Variants in MATN4 observed in about 807,000 individuals in gnomAD.
The protein encoded by MATN4 is matrilin 4, also known as matrilin-4.
A neutral mutation model predicts 54.6 loss-of-function variants in MATN4; 40 were observed. The observed-to-expected ratio is 0.73, with a 90% CI of 0.57 to 0.95. The LOEUF is 0.95. Ranked by LOEUF, MATN4 falls within the 40% of genes least tolerant of loss-of-function variation. The pLI is 0.00. For missense variants in MATN4, 810 were observed against 819.1 expected (o/e 0.99, Z 0.13); for synonymous variants, 351 against 345.3 (o/e 1.02, Z -0.18).
chr20:45,305,540 G>T lies in MATN4; in HGVS notation c.43C>A (p.Gln15Lys). The T allele has an allele frequency of 6.4e-7, 1 of 1,558,494 alleles. No homozygotes were observed. The highest frequency in any genetic ancestry group is 2.4e-5 in the East Asian group (1 of 41,442). The stretch of plus-strand genomic sequence containing the variant: ...AACTGGAGCTGGGTTTCCCAGGGCT[G>T]AAGAAGGAGCAGCAACACGGGCCAG... ...LCWPVLLLLL[Q>K]PWETQLQLTG... The change falls in exon 2 of 10, where the codon CAG becomes AAG. Residue 15 changes from glutamine to lysine, a missense_variant. Coordinates refer to ENST00000372756, the MANE Select transcript of MATN4 (RefSeq NM_001393530.1).
chr20:45,301,750 G>A lies in MATN4; in HGVS notation c.644-307C>T, dbSNP rs114804476. On this transcript the variant is annotated intron_variant, in intron 3 of 9. Transcript: ENST00000372756. ...CTATTGCCCTGTTGAGCATCTTGAT[G>A]ATCTGGATAGGCAAAGATGGCCGAG... Among the ~76,000 whole-genome samples, 266 of 152,134 alleles carry A rather than the reference G, an allele frequency of 1.7e-3. 1 individual carries two copies. Among genetic ancestry groups the A allele is most frequent in the African/African-American group, 6.1e-3 (252 of 41,494 alleles).
At chr20:45,308,038 C>T in intron 1 of MATN4, 137 bp downstream of exon 1, 1 of 717,582 alleles carries the variant, frequency 1.4e-6, no homozygotes, top group African/African-American at 1.8e-5. Context: ...TGGAAAGGAC[C>T]CTGCAGAAGT....
intron 6 of MATN4, among the ~76,000 whole-genome samples, chr20:45,300,278 G>A (rs902643697): frequency 6.6e-6 from 1 of 152,124 alleles, no homozygotes; most frequent in East Asian, 1.9e-4. Flanking sequence ...TGACACATCC[G>A]GGGAGGGGCA....
chr20:45,298,580 C>T lies in MATN4; in HGVS notation c.1016G>A (p.Cys339Tyr). The T allele has an allele frequency of 1.3e-6, 2 of 1,539,716 alleles. No homozygotes were observed. Among genetic ancestry groups the T allele is most frequent in the Non-Finnish European group, 1.8e-6 (2 of 1,139,768 alleles). The change falls in exon 7 of 10, where the codon TGC (cysteine) becomes TAC (tyrosine). Residue 339 changes from cysteine to tyrosine, a missense_variant. Coordinates refer to ENST00000372756, the MANE Select transcript of MATN4 (RefSeq NM_001393530.1). This position sits in a 1 kb window ranked among gnomAD's most constrained non-coding sequence, Gnocchi z 4.6. ...LQADGKSCNR[C>Y]REGHVDLVLL... is the part of the protein sequence containing the mutation. Reference sequence around the variant, plus strand: ...AACAAGGTCCACGTGGCCTTCCCGGCACCCTGCACAGCCAGAAAAGCTTGA... The same window carrying T: ...AACAAGGTCCACGTGGCCTTCCCGGTACCCTGCACAGCCAGAAAAGCTTGA...
chr20:45,304,241 C>G lies in MATN4; in HGVS notation c.630G>C (p.Gln210His). 1 of 1,525,472 alleles carries G rather than the reference C, an allele frequency of 6.6e-7. No individual in the cohort carries two copies. Among genetic ancestry groups the G allele is most frequent in the Non-Finnish European group, 8.8e-7 (1 of 1,140,688 alleles). 94.5% of individuals were successfully genotyped at this position (1,525,472 alleles called of 1,614,324 possible). The change falls in exon 3 of 10, where the codon CAG becomes CAC. Residue 210 changes from glutamine (Q) to histidine (H), a missense_variant. Coordinates refer to ENST00000372756, the MANE Select transcript of MATN4 (RefSeq NM_001393530.1). ...DLIQEFGLQF[Q>H]SRLCAIDLCA... ...CTCCTAACTCACCACACAGCCGGCT[C>G]TGGAACTGCAGGCCGAACTCCTGGA...
intron 5 of MATN4, 30 bp downstream of exon 5, chr20:45,301,072 C>T (rs780306470): frequency 5.0e-6 from 8 of 1,614,080 alleles, no homozygotes; most frequent in Admixed American, 3.3e-5. Flanking sequence ...TCTCTTACCC[C>T]TCCCACAAAT....
intron 8 of MATN4, 81 bp from the exon 9 acceptor site, chr20:45,294,096 G>A: frequency 3.6e-6 from 4 of 1,098,666 alleles, no homozygotes; most frequent in Non-Finnish European, 5.3e-6. Context: ...CTGGGCCTAT[G>A]GTTGAGTATA....
intron 1 of MATN4, chr20:45,306,787 G>T (rs1986721959): frequency 7.7e-6 from 5 of 648,074 alleles, no homozygotes; most frequent in Non-Finnish European, 1.1e-5. Flanking sequence ...GGGGCCCGGG[G>T]CCTTGGAGAT....
Position 45,301,346 on chromosome 20 carries a change from G to T in MATN4, c.741C>A (p.Leu247=), listed in dbSNP as rs139208829. 5.1e-5 allele frequency: 82 copies of T among 1,614,180 alleles called. No homozygotes were observed. In the Middle Eastern group the frequency reaches 9.9e-4, roughly 20 times the overall value. Residue 247 remains leucine, a synonymous_variant, in exon 4 of 10, where the codon CTC becomes CTA. Coordinates refer to ENST00000372756, the MANE Select transcript of MATN4 (RefSeq NM_001393530.1). ...YFCHCQVGFV[L]QQDQRSCRAI... is the part of the protein sequence containing the mutation. ...CCCTGCAGCTCCTCTGGTCCTGCTG[G>T]AGTACAAAGCCAACTTGGCAGTGAC...
chr20:45,297,950 A>G lies in MATN4; in HGVS notation c.1547T>C (p.Leu516Pro), dbSNP rs942180073. The G allele has an allele frequency of 6.2e-7, 1 of 1,614,218 alleles. No homozygotes were observed. The highest frequency in any genetic ancestry group is 8.5e-7 in the Non-Finnish European group (1 of 1,180,032). Residue 516 changes from leucine to proline, a missense_variant, in exon 8 of 10, where the codon CTG becomes CCG. Physicochemically the swap from Leu to Pro is moderately conservative, Grantham distance 98. Coordinates refer to ENST00000372756, the MANE Select transcript of MATN4 (RefSeq NM_001393530.1). Reference sequence around the variant, plus strand: ...GATGCTGCCTCTGAGGTTCTCCAGCAGGTGCGTCATGGTGCCGAAGTCCGG... The same window carrying G: ...GATGCTGCCTCTGAGGTTCTCCAGCGGGTGCGTCATGGTGCCGAAGTCCGG... ...YAPDFGTMTH[L>P]LENLRGSICP...
chr20:45,295,484 T>C (rs1338585312), intron 8 of MATN4, among the ~76,000 whole-genome samples: 2 of 152,164 alleles, frequency 1.3e-5, no homozygotes, highest in African/African-American at 4.8e-5. Context: ...GCCTCCTGGG[T>C]TCAAGTGATT....
In MATN4 at chr20:45,304,726, C is replaced by T. The variant is rs141367880; in HGVS notation, c.145G>A (p.Glu49Lys). 1.9e-6 allele frequency: 3 copies of T among 1,610,944 alleles called. No homozygotes were observed. The highest frequency in any genetic ancestry group is 2.7e-5 in the African/African-American group (2 of 74,890). Residue 49 changes from glutamate (E) to lysine (K), a missense_variant, in exon 3 of 10, where the codon GAG becomes AAG. Glu to Lys is a moderately conservative substitution (Grantham distance 56, BLOSUM62 1). Coordinates refer to ENST00000372756, the MANE Select transcript of MATN4 (RefSeq NM_001393530.1). The stretch of plus-strand genomic sequence containing the variant: ...AGGAACTGCCGCATGGTCTCGAACT[C>T]GAAAGGGCGCACGCTGCGGGAGCTG... ...IDSSRSVRPF[E>K]FETMRQFLMG...
At position 45,304,792 on chromosome 20, in the gene MATN4, T is replaced by A; in HGVS notation, c.79A>T (p.Arg27Trp). The A allele has an allele frequency of 6.3e-7, 1 of 1,575,658 alleles. No homozygotes were observed. The highest frequency in any genetic ancestry group is 8.7e-7 in the Non-Finnish European group (1 of 1,154,220). The change falls in exon 3 of 10, where the codon AGG (arginine) becomes TGG (tryptophan). Residue 27 changes from arginine to tryptophan, a missense_variant. By Grantham distance (101) the Arg-to-Trp change is moderately radical. Coordinates refer to ENST00000372756, the MANE Select transcript of MATN4 (RefSeq NM_001393530.1). ...WETQLQLTGP[R>W]CHTGPLDLVF... ...AGATCCAGGGGCCCAGTGTGACACC[T>A]GGGACCTGCGGGGAGATCAGGGAGG...
upstream of MATN4, chr20:45,308,441 C>T (rs1365470570): frequency 3.4e-6 from 2 of 581,904 alleles, no homozygotes; most frequent in East Asian, 5.6e-5. Flanking sequence ...CCTGCTCCTA[C>T]CACGCTTGGA....
Position 45,301,212 on chromosome 20 carries a change from CAGT to C in MATN4, c.776_778del (p.Tyr259del), listed in dbSNP as rs1986207858. On this transcript the variant is annotated inframe_deletion, in exon 5 of 10. Coordinates refer to ENST00000372756, the MANE Select transcript of MATN4 (RefSeq NM_001393530.1). ...CTGACAGCTATGGTTCCCAAAGCTG[CAGT>C]AGTCAATGGCTGGCAGGAGGGAAGA... The C allele has an allele frequency of 6.2e-7, 1 of 1,613,904 alleles. No individual in the cohort carries two copies. Among genetic ancestry groups the C allele is most frequent in the Non-Finnish European group, 8.5e-7 (1 of 1,179,984 alleles).
chr20:45,300,655 C>T (rs1201596322), intron 6 of MATN4, among the ~76,000 whole-genome samples: 3 of 151,938 alleles, frequency 2.0e-5, no homozygotes, highest in Admixed American at 1.3e-4. Context: ...GGCTTGTGCA[C>T]AAAGGAGGAA....
In MATN4 at chr20:45,307,021, CTA is replaced by C. The variant is rs1484753974; in HGVS notation, c.-35+1152_-35+1153del. The C allele has an allele frequency of 6.8e-5, 64 of 937,166 alleles. No homozygotes were observed. In the African/African-American group the frequency reaches 9.1e-4, roughly 13 times the overall value. The allele number at this position is 937,166 out of a possible 1,614,324, so 58.1% of individuals were successfully genotyped here. On this transcript the variant is annotated intron_variant, in intron 1 of 9. Transcript: ENST00000372756. ...GGACCACCCCCCCACCCCCTCCCCA[CTA>C]TACAAATAGGAAAACTAAGCCCCAA...
chr20:45,302,418 C>A (rs1288435772), intron 3 of MATN4, among the ~76,000 whole-genome samples: 1 of 152,192 alleles, frequency 6.6e-6, no homozygotes, highest in Admixed American at 6.5e-5. Flanking sequence ...ATGTCTAATA[C>A]TAACTTGGTA....
chr20:45,306,721 C>T, intron 1 of MATN4: 1 of 412,070 alleles, frequency 2.4e-6, no homozygotes, highest in Non-Finnish European at 4.2e-6. Flanking sequence ...TGGCAGGGGG[C>T]GTGGGAAGCC....
Sources: allele counts gnomAD v4.1 joint callset (sites outside exome capture counted in the v4.1 genomes callset), GRCh38; gene constraint gnomAD v4.1.1; non-coding constraint Gnocchi (gnomAD v3.1); transcripts MANE v1.5; gene names NCBI Gene and HGNC (gene_info 2026-07-23, HGNC 2026-07-21).